PDE1A: variants seen among roughly 807,000 people sequenced by gnomAD.
The protein encoded by PDE1A is dual specificity calcium/calmodulin-dependent 3',5'-cyclic nucleotide phosphodiesterase 1A.
PDE1A carries 35 observed loss-of-function variants against 61.7 expected under a neutral mutation model. The ratio of observed to expected loss-of-function variants is 0.57; its 90% CI spans 0.43 to 0.75. PDE1A has a LOEUF of 0.75. PDE1A is among the 30% of genes least tolerant of loss of function. The pLI, the probability that PDE1A is intolerant of heterozygous loss-of-function variation, is 0.00. For missense variants in PDE1A, 597 were observed against 630.6 expected, an observed-to-expected ratio of 0.95 and a Z score of 0.57; for synonymous variants, 232 against 213.2, an observed-to-expected ratio of 1.09 and a Z score of -0.77.
chr2:182,596,608 C>T, the PDE1A span, among the ~76,000 whole-genome samples: 8 of 152,212 alleles, frequency 5.3e-5, no homozygotes, highest in South Asian at 1.5e-3. Context: ...ACAAATAAGG[C>T]TATCAAAGTT....
chr2:182,522,030 G>A (rs760163213), intron 2 of PDE1A, among the ~76,000 whole-genome samples: 13 of 152,046 alleles, frequency 8.6e-5, no homozygotes, highest in Admixed American at 2.6e-4. Flanking sequence ...TACAGAATGC[G>A]TAAAAGAAAC....
chr2:182,581,193 T>A, the PDE1A span, among the ~76,000 whole-genome samples: 17 of 152,206 alleles, frequency 1.1e-4, no homozygotes, highest in Admixed American at 7.2e-4. Context: ...CCTATTTTCA[T>A]AATTGTTGCA....
chr2:182,412,818 G>C (rs939079095), intron 1 of PDE1A, among the ~76,000 whole-genome samples: 1 of 152,060 alleles, frequency 6.6e-6, no homozygotes, highest in Admixed American at 6.6e-5. Flanking sequence ...CACTAAGAAG[G>C]GGAAATAGGA....
intron 13 of PDE1A, among the ~76,000 whole-genome samples, chr2:182,181,913 T>G (rs1684796762): frequency 6.6e-6 from 1 of 152,344 alleles, no homozygotes; most frequent in South Asian, 2.1e-4. Context: ...TTGCTTATTT[T>G]GTGCAACACT....
chr2:182,462,222 T>C (rs1234572867), intron 2 of PDE1A, among the ~76,000 whole-genome samples: 1 of 151,594 alleles, frequency 6.6e-6, no homozygotes, highest in African/African-American at 2.4e-5. Flanking sequence ...AGTTAATGGG[T>C]GCAGCACACC....
chr2:182,304,628 T>C (rs1695461224), intron 1 of PDE1A, among the ~76,000 whole-genome samples: 1 of 152,162 alleles, frequency 6.6e-6, no homozygotes, highest in Non-Finnish European at 1.5e-5. Flanking sequence ...AGGTTAACTG[T>C]CCTAATTTCA....
the PDE1A span, among the ~76,000 whole-genome samples, chr2:182,583,549 A>G: frequency 6.6e-6 from 1 of 152,126 alleles, no homozygotes; most frequent in Non-Finnish European, 1.5e-5. Context: ...TCCTTTGGGT[A>G]AGTCCAATTA....
At chr2:182,281,937 A>G (rs1275780886) in intron 1 of PDE1A, among the ~76,000 whole-genome samples, 1 of 152,000 alleles carries the variant, frequency 6.6e-6, no homozygotes, top group Admixed American at 6.6e-5. Flanking sequence ...AAAGAAACAA[A>G]TATATTATTG....
chr2:182,386,832 C>G (rs1390346996), intron 1 of PDE1A, among the ~76,000 whole-genome samples: 2 of 151,164 alleles, frequency 1.3e-5, no homozygotes, highest in East Asian at 4.0e-4. Context: ...GCCGCCCCGT[C>G]TGGGAGGTGG....
the PDE1A span, among the ~76,000 whole-genome samples, chr2:182,703,550 T>C: frequency 6.6e-6 from 1 of 152,308 alleles, no homozygotes; most frequent in South Asian, 2.1e-4. Flanking sequence ...TTTATAGTCC[T>C]GACCCTCCCA....
intron 6 of PDE1A, among the ~76,000 whole-genome samples, chr2:182,227,663 T>C (rs16822895): frequency 0.051 from 7,743 of 152,148 alleles, 625 homozygotes; most frequent in African/African-American, 0.18. Flanking sequence ...GCTGGTATTA[T>C]TAACTGCATT....
chr2:182,671,390 G>A, the PDE1A span, among the ~76,000 whole-genome samples: 22 of 129,802 alleles, frequency 1.7e-4, no homozygotes, highest in South Asian at 3.8e-3. Flanking sequence ...GGGTTTCGCC[G>A]CATTAGCTAG....
chr2:182,369,129 C>T (rs1238762789), intron 1 of PDE1A, among the ~76,000 whole-genome samples: 1 of 152,030 alleles, frequency 6.6e-6, no homozygotes, highest in Non-Finnish European at 1.5e-5. Context: ...TGATCTGTCT[C>T]AGCAAGCCCA....
the PDE1A span, among the ~76,000 whole-genome samples, chr2:182,537,251 T>C: frequency 6.6e-6 from 1 of 152,186 alleles, no homozygotes; most frequent in Non-Finnish European, 1.5e-5. Flanking sequence ...TAGGCTTCTC[T>C]AAGGTTTTAA....
At chr2:182,315,026 C>A (rs1006787886) in intron 1 of PDE1A, among the ~76,000 whole-genome samples, 2 of 152,162 alleles carry the variant, frequency 1.3e-5, no homozygotes, top group South Asian at 4.2e-4. Flanking sequence ...CTTAGCTAGA[C>A]CCTGAATTTT....
intron 1 of PDE1A, among the ~76,000 whole-genome samples, chr2:182,356,341 C>T (rs556426551): frequency 1.3e-5 from 2 of 152,156 alleles, no homozygotes; most frequent in East Asian, 3.9e-4. Context: ...TGTCTATATA[C>T]TATGTTACAA....
At chr2:182,681,400 T>G in the PDE1A span, among the ~76,000 whole-genome samples, 2 of 152,120 alleles carry the variant, frequency 1.3e-5, no homozygotes, top group South Asian at 2.1e-4. Flanking sequence ...CTCAAACTCC[T>G]GGGCTCAAGC....
chr2:182,196,365 G>A (rs976459695), intron 10 of PDE1A, among the ~76,000 whole-genome samples: 6 of 151,838 alleles, frequency 4.0e-5, no homozygotes, highest in Admixed American at 1.3e-4. Flanking sequence ...AATACAAATC[G>A]TGATATTATT....
chr2:182,519,054 G>A (rs905161853), intron 2 of PDE1A, among the ~76,000 whole-genome samples: 2 of 151,956 alleles, frequency 1.3e-5, no homozygotes, highest in Non-Finnish European at 2.9e-5. Context: ...ACAATGCATA[G>A]GTGAAATACT....
Sources: gnomAD v4.1 joint callset for allele counts (sites outside exome capture counted in the v4.1 genomes callset) on GRCh38, gnomAD v4.1.1 for gene constraint, MANE v1.5 for transcripts, NCBI Gene and HGNC (gene_info 2026-07-23, HGNC 2026-07-21) for gene names.